Variants in FAIM2 observed in about 807,000 individuals in gnomAD.
FAIM2 encodes the protein Fas apoptotic inhibitory molecule 2.
In FAIM2, 27 loss-of-function variants were observed where a neutral mutation model predicts 47.4. The ratio of observed to expected loss-of-function variants is 0.57; its 90% CI spans 0.42 to 0.78. FAIM2 has a LOEUF of 0.78. Among genes scored for constraint, FAIM2 ranks in the 30% least tolerant of loss-of-function variants. FAIM2 has a pLI of 0.00. For synonymous variants in FAIM2, 156 were observed against 159.3 expected, an observed-to-expected ratio of 0.98 and a Z score of 0.16; for missense variants, 311 against 389.4, an observed-to-expected ratio of 0.80 and a Z score of 1.69.
intron 5 of FAIM2, among the ~76,000 whole-genome samples, chr12:49,891,942 C>T (rs983524289): frequency 1.3e-5 from 2 of 152,122 alleles, no homozygotes; most frequent in African/African-American, 4.8e-5. Context: ...GGGTGGAGCT[C>T]GCCCATGCCT....
intron 6 of FAIM2, 45 bp from the exon 7 acceptor site, chr12:49,890,767 G>A (rs1946894658): frequency 1.3e-6 from 2 of 1,569,558 alleles, no homozygotes; most frequent in South Asian, 2.2e-5. Flanking sequence ...GGGGGTGGGG[G>A]CAGTGGACCC....
rs771051975 is a variant in FAIM2, at chr12:49,874,612, C to A, written c.802-3959G>T. On this transcript the variant is annotated intron_variant, in intron 11 of 11. Coordinates refer to ENST00000320634, the MANE Select transcript of FAIM2 (RefSeq NM_012306.4). The surrounding 1 kb of genome is among the most constrained non-coding windows in gnomAD (Gnocchi z 4.2). ...TCCCTGAATGTGGCCCCAGAGGTGA[C>A]GCTGAGGGGCTCTGGGCAGTGCATG... Among the ~76,000 whole-genome samples, 2 of 152,156 alleles carry A rather than the reference C, an allele frequency of 1.3e-5. No homozygotes were observed. The highest frequency in any genetic ancestry group is 3.9e-4 in the East Asian group (2 of 5,192).
intron 5 of FAIM2, among the ~76,000 whole-genome samples, chr12:49,896,669 TTAA>T (rs1246152624): frequency 2.0e-5 from 3 of 152,228 alleles, no homozygotes; most frequent in Non-Finnish European, 4.4e-5. Context: ...ACTAACAACA[TTAA>T]TAAGAGCAGC....
At chr12:49,878,465 TATGTGTGTGTGC>T (rs1946761546) in intron 11 of FAIM2, among the ~76,000 whole-genome samples, 1 of 100,698 alleles carries the variant, frequency 9.9e-6, no homozygotes, top group African/African-American at 3.3e-5. Flanking sequence ...TGTATGCATG[TATGTGTGTGTGC>T]ATGTGTGTAT....
At position 49,896,026 on chromosome 12, in the gene FAIM2, C is replaced by T. The variant is rs143774915; in HGVS notation, c.434+1005G>A. On this transcript the variant is annotated intron_variant, in intron 5 of 11. Transcript: ENST00000320634. ...GCTTAAGCCACTTGTCTCCTGGGAACGCTGTCTCCTGTCTTCATGGCCCAT... is the reference window on the plus strand; with the variant it reads ...GCTTAAGCCACTTGTCTCCTGGGAATGCTGTCTCCTGTCTTCATGGCCCAT... Among the ~76,000 whole-genome samples, 526 of 152,368 alleles carry T rather than the reference C, an allele frequency of 3.5e-3. 2 individuals are homozygous for T. The highest frequency in any genetic ancestry group is 0.012 in the African/African-American group (504 of 41,588).
chr12:49,876,727 G>A (rs1469315008), intron 11 of FAIM2, among the ~76,000 whole-genome samples: 1 of 152,080 alleles, frequency 6.6e-6, no homozygotes, highest in African/African-American at 2.4e-5. Flanking sequence ...AGCCGAGATT[G>A]AGCCACTGCT....
chr12:49,878,230 GAGTGTATGTGTGTATATGTGAGTGTATGT>G, intron 11 of FAIM2, among the ~76,000 whole-genome samples: 1 of 131,462 alleles, frequency 7.6e-6, no homozygotes. Flanking sequence ...ATATGTGCAT[GAGTGTATGTGTGTATATGTGAGTGTATGT>G]GCATGTGTGT....
At position 49,874,151 on chromosome 12, in the gene FAIM2, C is replaced by T. The variant is rs1946720553; in HGVS notation, c.802-3498G>A. On this transcript the variant is annotated intron_variant, in intron 11 of 11. Coordinates refer to ENST00000320634, the MANE Select transcript of FAIM2 (RefSeq NM_012306.4). This position sits in a 1 kb window ranked among gnomAD's most constrained non-coding sequence, Gnocchi z 4.2. ...TGACTGCAAACCCCTAAAAGGAGGG[C>T]AGGTACTTGAGTTAGTGTTCAGCTG... Among the ~76,000 whole-genome samples the T allele has an allele frequency of 6.6e-6, 1 of 152,166 alleles. No homozygotes were observed. The highest frequency in any genetic ancestry group is 2.1e-4 in the South Asian group (1 of 4,832).
Position 49,889,130 on chromosome 12 carries a change from C to T in FAIM2, c.724G>A (p.Ala242Thr). 1 of 1,611,300 alleles carries T rather than the reference C, an allele frequency of 6.2e-7. No individual in the cohort carries two copies. The highest frequency in any genetic ancestry group is 8.5e-7 in the Non-Finnish European group (1 of 1,178,772). The part of the protein sequence containing the change: ...MTLFFSGLIL[A>T]ILLPFQYVPW... Reference sequence around the variant, plus strand: ...ACATATTGGAAGGGTAGGAGGATGGCCAGGATGAGTCCGCTGAAGAAAAGA... The same window carrying T: ...ACATATTGGAAGGGTAGGAGGATGGTCAGGATGAGTCCGCTGAAGAAAAGA... The change falls in exon 10 of 12, where the codon GCC becomes ACC. Residue 242 changes from alanine (A) to threonine (T), a missense_variant. Transcript: ENST00000320634.
intron 11 of FAIM2, among the ~76,000 whole-genome samples, chr12:49,878,427 T>C (rs1946760932): frequency 7.6e-6 from 1 of 131,906 alleles, no homozygotes; most frequent in South Asian, 2.6e-4. Flanking sequence ...TGTGTGTGTA[T>C]ATGTGCAAGT....
intron 5 of FAIM2, 44 bp downstream of exon 5, chr12:49,896,987 C>T (rs1946942227): frequency 1.3e-6 from 2 of 1,512,740 alleles, no homozygotes; most frequent in African/African-American, 1.4e-5. Flanking sequence ...CTTCTGGCCA[C>T]TAAGCCTTCT....
rs74778931 is a variant in FAIM2, at chr12:49,895,374, C to G, written c.434+1657G>C. ...ACTCTGCCTCCACCTCCCGGGCCTA[C>G]TCACTCCTGGGCTGTCTCCCTGCCA... On this transcript the variant is annotated intron_variant, in intron 5 of 11. Coordinates refer to ENST00000320634, the MANE Select transcript of FAIM2 (RefSeq NM_012306.4). Among the ~76,000 whole-genome samples the G allele has an allele frequency of 2.4e-3, 369 of 152,210 alleles. 3 individuals are homozygous for G. The highest frequency in any genetic ancestry group is 8.5e-3 in the African/African-American group (352 of 41,546).
intron 11 of FAIM2, among the ~76,000 whole-genome samples, chr12:49,871,288 C>T (rs974587652): frequency 2.0e-5 from 3 of 152,212 alleles, no homozygotes; most frequent in South Asian, 4.1e-4. Context: ...CTGAGCAGGC[C>T]GGCTTCGGAG....
At chr12:49,897,230 GC>G in intron 4 of FAIM2, 146 bp from the exon 5 acceptor site, 1 of 746,674 alleles carries the variant, frequency 1.3e-6, no homozygotes, top group Non-Finnish European at 2.4e-6. Flanking sequence ...GGGAGTCCCA[GC>G]CCACAGTCCC....
At chr12:49,872,509 C>T (rs912983639) in intron 11 of FAIM2, among the ~76,000 whole-genome samples, 3 of 152,222 alleles carry the variant, frequency 2.0e-5, no homozygotes, top group African/African-American at 7.2e-5. Context: ...GCCATGGACT[C>T]CTTGTCTCCC....
intron 7 of FAIM2, 40 bp downstream of exon 7, chr12:49,890,643 C>G (rs1311664135): frequency 1.3e-6 from 2 of 1,597,352 alleles, no homozygotes; most frequent in African/African-American, 2.7e-5. Context: ...TCCTCCATCC[C>G]CACTCAGCGT....
rs566996827 is a variant in FAIM2, at chr12:49,879,659, T to C, written c.801+7727A>G. 7.8e-3 allele frequency among the ~76,000 whole-genome samples: 1,176 copies of C among 149,886 alleles called. 14 individuals are homozygous for C. The highest frequency in any genetic ancestry group is 0.014 in the Non-Finnish European group (921 of 67,544). ...GTGTATGTGTGGGCATGTGAATGTG[T>C]ATATGTGAGTGTGTGCATGTGTGTA... is the stretch of plus-strand genomic sequence containing the variant. On this transcript the variant is annotated intron_variant, in intron 11 of 11. Coordinates refer to ENST00000320634, the MANE Select transcript of FAIM2 (RefSeq NM_012306.4).
intron 8 of FAIM2, among the ~76,000 whole-genome samples, 166 bp downstream of exon 8, chr12:49,889,951 C>T (rs537423155): frequency 6.6e-6 from 1 of 152,208 alleles, no homozygotes; most frequent in East Asian, 1.9e-4. Flanking sequence ...CACTGTCCAG[C>T]TGAGTGCTCA....
chr12:49,877,891 G>GT (rs1592784708), intron 11 of FAIM2, among the ~76,000 whole-genome samples: 1 of 149,374 alleles, frequency 6.7e-6, no homozygotes, highest in East Asian at 2.0e-4. Flanking sequence ...TGTGTATGTG[G>GT]GTATGTGTGT....
Sources: gnomAD v4.1 joint callset for allele counts (sites outside exome capture counted in the v4.1 genomes callset) on GRCh38, gnomAD v4.1.1 for gene constraint, Gnocchi (gnomAD v3.1) non-coding constraint, MANE v1.5 for transcripts, NCBI Gene and HGNC (gene_info 2026-07-23, HGNC 2026-07-21) for gene names.